The following ZNRF1 variants were observed in gnomAD, a reference collection of about 807,000 sequenced individuals.
ZNRF1 encodes E3 ubiquitin-protein ligase ZNRF1.
Under a neutral mutation model 18.4 loss-of-function variants are expected in ZNRF1, and 3 were observed. The ratio of observed to expected loss-of-function variants is 0.16; its 90% CI spans 0.07 to 0.42. The LOEUF is 0.42. ZNRF1 is among the 10% of genes least tolerant of loss of function. The probability of loss-of-function intolerance (pLI) is 0.99; values close to 1 mark genes in which losing one functional copy is unlikely to be tolerated. For synonymous variants in ZNRF1, 157 were observed against 144.2 expected (o/e 1.09, Z -0.64); for missense variants, 310 against 329.8 (o/e 0.94, Z 0.47).
intron 1 of ZNRF1, among the ~76,000 whole-genome samples, chr16:75,088,366 T>G (rs911902128): frequency 3.3e-5 from 5 of 152,346 alleles, no homozygotes; most frequent in Admixed American, 3.3e-4. Context: ...CATCTGCAGA[T>G]TCAGCATCTT....
intron 1 of ZNRF1, among the ~76,000 whole-genome samples, chr16:75,081,722 C>G (rs1342604272): frequency 6.6e-6 from 1 of 152,158 alleles, no homozygotes; most frequent in Non-Finnish European, 1.5e-5. Flanking sequence ...CCTGGCCAGA[C>G]CTGTCTATCC....
chr16:75,080,407 G>A (rs1242822222), intron 1 of ZNRF1, among the ~76,000 whole-genome samples: 1 of 152,200 alleles, frequency 6.6e-6, no homozygotes, highest in Admixed American at 6.5e-5. Flanking sequence ...TTACATGTGA[G>A]TGTCTGTTCG....
intron 1 of ZNRF1, among the ~76,000 whole-genome samples, chr16:75,080,598 C>T (rs1445737564): frequency 6.6e-6 from 1 of 152,162 alleles, no homozygotes; most frequent in African/African-American, 2.4e-5. Flanking sequence ...CTTCATTGTC[C>T]TTTTCCCTTC....
At chr16:75,070,358 G>T (rs2035855609) in intron 1 of ZNRF1, among the ~76,000 whole-genome samples, 3 of 152,074 alleles carry the variant, frequency 2.0e-5, no homozygotes. Context: ...TCCATTTACT[G>T]CACCATGGCC....
At chr16:75,022,242 G>C (rs577453422) in intron 1 of ZNRF1, among the ~76,000 whole-genome samples, 15 of 151,894 alleles carry the variant, frequency 9.9e-5, no homozygotes, top group African/African-American at 3.4e-4. Flanking sequence ...GTGACAGAGC[G>C]AGACTCTGTC....
intron 1 of ZNRF1, among the ~76,000 whole-genome samples, chr16:75,070,981 T>C (rs1306898738): frequency 1.3e-5 from 2 of 152,210 alleles, no homozygotes; most frequent in Non-Finnish European, 2.9e-5. Context: ...CAACAACTAT[T>C]TATTATGCCC....
At chr16:75,089,673 C>T (rs899505174) in intron 1 of ZNRF1, among the ~76,000 whole-genome samples, 5 of 152,198 alleles carry the variant, frequency 3.3e-5, no homozygotes, top group Non-Finnish European at 7.3e-5. Flanking sequence ...TGACAGTGTG[C>T]TACTCAGAGG....
intron 1 of ZNRF1, among the ~76,000 whole-genome samples, chr16:75,018,075 A>G (rs927528739): frequency 6.6e-6 from 1 of 152,346 alleles, no homozygotes; most frequent in Admixed American, 6.5e-5. Context: ...TAGGACTCAT[A>G]TGAATCAAAT....
intron 1 of ZNRF1, among the ~76,000 whole-genome samples, chr16:75,022,692 T>G (rs995296120): frequency 6.6e-6 from 1 of 152,254 alleles, no homozygotes; most frequent in Admixed American, 6.5e-5. Context: ...CAGTGCTCGG[T>G]AACCACAAAT....
chr16:75,089,494 A>C (rs971854997), intron 1 of ZNRF1, among the ~76,000 whole-genome samples: 2 of 152,304 alleles, frequency 1.3e-5, no homozygotes, highest in South Asian at 4.1e-4. Context: ...CTTTAGTTAA[A>C]GTGTAGGCCT....
chr16:75,046,409 G>A (rs1415156957), intron 1 of ZNRF1, among the ~76,000 whole-genome samples: 9 of 150,496 alleles, frequency 6.0e-5, no homozygotes, highest in African/African-American at 1.5e-4. Context: ...GTGCCACCAC[G>A]CCCAGCTAAG....
chr16:75,054,488 C>T (rs113580852), intron 1 of ZNRF1, among the ~76,000 whole-genome samples: 2 of 152,308 alleles, frequency 1.3e-5, no homozygotes, highest in African/African-American at 4.8e-5. Flanking sequence ...GGGCAGATTT[C>T]TCCATAGGGT....
intron 1 of ZNRF1, among the ~76,000 whole-genome samples, chr16:75,052,979 A>G (rs2035623908): frequency 6.6e-6 from 1 of 152,214 alleles, no homozygotes; most frequent in Non-Finnish European, 1.5e-5. Flanking sequence ...CACTGGGGAC[A>G]TGATGTGAAT....
At chr16:75,058,470 A>G (rs1321352704) in intron 1 of ZNRF1, among the ~76,000 whole-genome samples, 2 of 152,232 alleles carry the variant, frequency 1.3e-5, no homozygotes, top group African/African-American at 4.8e-5. Flanking sequence ...TGTTGCAGTC[A>G]GCAGGAACTA....
At chr16:75,087,770 C>G (rs1256250486) in intron 1 of ZNRF1, among the ~76,000 whole-genome samples, 1 of 152,234 alleles carries the variant, frequency 6.6e-6, no homozygotes, top group Admixed American at 6.5e-5. Context: ...AGATGATTGC[C>G]TACGGTGAAC....
chr16:75,088,858 G>A (rs1180042444), intron 1 of ZNRF1, among the ~76,000 whole-genome samples: 2 of 152,212 alleles, frequency 1.3e-5, no homozygotes, highest in Non-Finnish European at 2.9e-5. Context: ...GCAAGAGTAG[G>A]TGCTGCAGAG....
chr16:75,010,329 A>G (rs2034978114), intron 1 of ZNRF1, among the ~76,000 whole-genome samples: 1 of 152,144 alleles, frequency 6.6e-6, no homozygotes, highest in Non-Finnish European at 1.5e-5. Flanking sequence ...AGTTTTAAGA[A>G]ACTTTTTAAA....
chr16:75,091,360 A>G (rs553071197), intron 1 of ZNRF1, among the ~76,000 whole-genome samples: 8 of 148,584 alleles, frequency 5.4e-5, no homozygotes, highest in African/African-American at 2.0e-4. Context: ...CTCCATCTCA[A>G]AAAAAAAAAA....
Position 75,067,492 on chromosome 16 carries a change from A to G in ZNRF1, c.425-26080A>G, listed in dbSNP as rs1386306143. On this transcript the variant is annotated intron_variant, in intron 1 of 4. Transcript: ENST00000335325. ...AATTCTAATTGGATTTTTTGAAGAAATCTTATTTTTAAATGCATTTGGATT... is the reference window on the plus strand; with the variant it reads ...AATTCTAATTGGATTTTTTGAAGAAGTCTTATTTTTAAATGCATTTGGATT... Among the ~76,000 whole-genome samples the G allele has an allele frequency of 3.9e-5, 6 of 152,234 alleles. No homozygotes were observed. The East Asian group carries it at 1.2e-3, about 29-fold the overall frequency.
Sources: allele counts gnomAD v4.1 joint callset (sites outside exome capture counted in the v4.1 genomes callset), GRCh38; gene constraint gnomAD v4.1.1; transcripts MANE v1.5; gene names NCBI Gene and HGNC (gene_info 2026-07-23, HGNC 2026-07-21).